The following ZDHHC14 variants were observed in gnomAD, a reference collection of about 807,000 sequenced individuals.
The protein encoded by ZDHHC14 is palmitoyltransferase ZDHHC14.
Under a neutral mutation model 47.7 loss-of-function variants are expected in ZDHHC14, and 16 were observed. The ratio of observed to expected loss-of-function variants is 0.34; its 90% CI spans 0.23 to 0.51. The LOEUF is 0.51. Among genes scored for constraint, ZDHHC14 ranks in the 20% least tolerant of loss-of-function variants. The probability of loss-of-function intolerance (pLI) is 0.97; values close to 1 mark genes in which losing one functional copy is unlikely to be tolerated. For missense variants in ZDHHC14, 515 were observed against 662.5 expected (o/e 0.78, Z 2.44); for synonymous variants, 293 against 278.9 (o/e 1.05, Z -0.50).
At chr6:157,487,688 G>C (rs921136235) in intron 1 of ZDHHC14, among the ~76,000 whole-genome samples, 4 of 152,194 alleles carry the variant, frequency 2.6e-5, no homozygotes, top group Non-Finnish European at 5.9e-5. Context: ...TGCATGGTTG[G>C]AATCAGAGCT....
At chr6:157,522,817 C>CTTTCTT (rs1780983659) in intron 1 of ZDHHC14, among the ~76,000 whole-genome samples, 1 of 35,966 alleles carries the variant, frequency 2.8e-5, no homozygotes, top group African/African-American at 1.9e-4. Context: ...CCCTCCCTCC[C>CTTTCTT]TCCCTCCCTC....
At chr6:157,464,836 G>A (rs1418989338) in intron 1 of ZDHHC14, among the ~76,000 whole-genome samples, 2 of 152,288 alleles carry the variant, frequency 1.3e-5, no homozygotes, top group East Asian at 3.9e-4. Context: ...GTCCGCCCTT[G>A]GCTGCCTCCC....
intron 1 of ZDHHC14, among the ~76,000 whole-genome samples, chr6:157,498,843 A>C (rs180727246): frequency 6.6e-6 from 1 of 152,202 alleles, no homozygotes; most frequent in African/African-American, 2.4e-5. Context: ...GGACTTTATT[A>C]ATAGGTTAAA....
intron 1 of ZDHHC14, among the ~76,000 whole-genome samples, chr6:157,476,815 A>G (rs553811912): frequency 6.6e-6 from 1 of 152,308 alleles, no homozygotes; most frequent in East Asian, 1.9e-4. Flanking sequence ...CATCATCGCA[A>G]TAGATGTAGA....
chr6:157,616,430 T>G (rs1326644924), intron 3 of ZDHHC14, among the ~76,000 whole-genome samples: 3 of 152,092 alleles, frequency 2.0e-5, no homozygotes, highest in Non-Finnish European at 4.4e-5. Context: ...GGAGGGCCCG[T>G]GGGACAATTA....
intron 1 of ZDHHC14, among the ~76,000 whole-genome samples, chr6:157,539,800 T>A (rs1781679585): frequency 6.6e-6 from 1 of 152,130 alleles, no homozygotes; most frequent in Non-Finnish European, 1.5e-5. Flanking sequence ...CGAGCTGGGG[T>A]AGTGGAGGGG....
rs149483025 is a variant in ZDHHC14 at position 157,467,902 on chromosome 6, C to T, written c.246-74683C>T. On this transcript the variant is annotated intron_variant, in intron 1 of 8. Transcript: ENST00000359775. The stretch of plus-strand genomic sequence containing the variant: ...GACCGCATCATATTTATACATATAT[C>T]GGTCGATGGATATTTGAGTTGGTTC... Among the ~76,000 whole-genome samples, 17 of 152,140 alleles carry T rather than the reference C, an allele frequency of 1.1e-4. No homozygotes were observed. The East Asian group carries it at 1.7e-3, about 16-fold the overall frequency.
rs897200053 is a variant in ZDHHC14 at position 157,586,183 on chromosome 6, C to G, written c.407-6805C>G. ...CTGAGTTCCTGCTGTGTCCCCAGCTCAGAGCCCAGGGCTGGCCCCCAGTAG... is the reference window on the plus strand; with the variant it reads ...CTGAGTTCCTGCTGTGTCCCCAGCTGAGAGCCCAGGGCTGGCCCCCAGTAG... On this transcript the variant is annotated intron_variant, in intron 2 of 8. Coordinates refer to ENST00000359775, the MANE Select transcript of ZDHHC14 (RefSeq NM_024630.3). The surrounding 1 kb of genome is among the most constrained non-coding windows in gnomAD (Gnocchi z 4.6). Among the ~76,000 whole-genome samples, 4 of 152,228 alleles carry G rather than the reference C, an allele frequency of 2.6e-5. No homozygotes were observed. In the East Asian group the frequency reaches 7.7e-4, roughly 29 times the overall value.
chr6:157,450,540 A>C (rs1408320936), intron 1 of ZDHHC14, among the ~76,000 whole-genome samples: 1 of 149,896 alleles, frequency 6.7e-6, no homozygotes, highest in African/African-American at 2.5e-5. Flanking sequence ...AAAAATCCTG[A>C]ACACTCAATA....
intron 1 of ZDHHC14, among the ~76,000 whole-genome samples, chr6:157,514,730 G>A (rs977424265): frequency 2.6e-5 from 4 of 152,248 alleles, no homozygotes; most frequent in African/African-American, 9.6e-5. Flanking sequence ...CTTGACCTTG[G>A]AAGGCTGACC....
At chr6:157,567,431 C>A (rs561509380) in intron 2 of ZDHHC14, among the ~76,000 whole-genome samples, 1 of 152,180 alleles carries the variant, frequency 6.6e-6, no homozygotes, top group South Asian at 2.1e-4. Flanking sequence ...CCTGTGGTTG[C>A]GGGCTTGGTT....
intron 2 of ZDHHC14, among the ~76,000 whole-genome samples, chr6:157,583,831 G>C (rs144609793): frequency 3.9e-4 from 59 of 152,272 alleles, no homozygotes; most frequent in African/African-American, 1.4e-3. Context: ...CCTTAGCAGT[G>C]GTTGTAGCAG....
chr6:157,662,271 TC>T (rs900221938), intron 8 of ZDHHC14, among the ~76,000 whole-genome samples: 4 of 152,138 alleles, frequency 2.6e-5, no homozygotes. Flanking sequence ...ACTCTTGACC[TC>T]CCGGGTTCAA....
intron 2 of ZDHHC14, among the ~76,000 whole-genome samples, chr6:157,579,232 C>T (rs549315839): frequency 1.0e-4 from 12 of 118,030 alleles, no homozygotes; most frequent in Non-Finnish European, 1.8e-4. Flanking sequence ...GAGTCTCACT[C>T]TGTCGCCCAG....
chr6:157,462,623 G>A (rs781045751), intron 1 of ZDHHC14, among the ~76,000 whole-genome samples: 2 of 152,198 alleles, frequency 1.3e-5, no homozygotes, highest in Admixed American at 6.5e-5. Flanking sequence ...CCTCTTTGGA[G>A]GAGAATGCCT....
intron 1 of ZDHHC14, among the ~76,000 whole-genome samples, chr6:157,459,559 A>G (rs1779015827): frequency 6.6e-6 from 1 of 152,136 alleles, no homozygotes; most frequent in African/African-American, 2.4e-5. Flanking sequence ...TAAACTGATA[A>G]GGGAAGAGTT....
At chr6:157,579,319 T>A (rs1385787449) in intron 2 of ZDHHC14, among the ~76,000 whole-genome samples, 1 of 145,548 alleles carries the variant, frequency 6.9e-6, no homozygotes, top group Non-Finnish European at 1.5e-5. Context: ...TGCCTCAGCC[T>A]CCGAAGCAGC....
intron 1 of ZDHHC14, among the ~76,000 whole-genome samples, chr6:157,522,179 A>G (rs1459388293): frequency 6.6e-6 from 1 of 152,162 alleles, no homozygotes; most frequent in Non-Finnish European, 1.5e-5. Context: ...GTTGCCACGA[A>G]AATTCAATGC....
chr6:157,521,971 G>A (rs1021634043), intron 1 of ZDHHC14, among the ~76,000 whole-genome samples: 5 of 152,092 alleles, frequency 3.3e-5, no homozygotes, highest in Admixed American at 6.5e-5. Flanking sequence ...CATTTGAGAC[G>A]GTCTCTTATC....
Sources: allele counts gnomAD v4.1 joint callset (sites outside exome capture counted in the v4.1 genomes callset), GRCh38; gene constraint gnomAD v4.1.1; non-coding constraint Gnocchi (gnomAD v3.1); transcripts MANE v1.5; gene names NCBI Gene and HGNC (gene_info 2026-07-23, HGNC 2026-07-21).